CDON: variants seen among roughly 807,000 people sequenced by gnomAD.
CDON encodes the protein cell adhesion molecule-related/down-regulated by oncogenes.
In CDON, 73 loss-of-function variants were observed where a neutral mutation model predicts 120.9. That is an observed-to-expected ratio of 0.60 (90% CI 0.50 to 0.73). The LOEUF (loss-of-function observed/expected upper bound fraction) is 0.73, where lower values mean the gene tolerates loss of function less well. Ranked by LOEUF, CDON falls within the 30% of genes least tolerant of loss-of-function variation. The probability of loss-of-function intolerance (pLI) is 0.00; values close to 1 mark genes in which losing one functional copy is unlikely to be tolerated. For missense variants in CDON, 1,470 were observed against 1,587.3 expected (o/e 0.93, Z 1.26); for synonymous variants, 566 against 573.5 (o/e 0.99, Z 0.19).
In CDON at chr11:125,993,373, A is replaced by T. The variant is rs929936421; in HGVS notation, c.2650+911T>A. On this transcript the variant is annotated intron_variant, in intron 14 of 19. Coordinates refer to ENST00000531738, the MANE Select transcript of CDON (RefSeq NM_001378964.1). ...AACACACACACAGTCTCTGTCTCTC[A>T]CACACACATGCGCGCGTGCGTGCAC... 1.3e-4 allele frequency among the ~76,000 whole-genome samples: 18 copies of T among 137,434 alleles called. No individual in the cohort carries two copies. The Admixed American group carries it at 1.3e-3, about 10-fold the overall frequency. The allele number at this position is 137,434 out of a possible 152,430, so 90.2% of individuals were successfully genotyped here. A position where few individuals can be genotyped will look rare whatever the true frequency, so the allele number is the denominator to read the frequency against.
At chr11:126,061,462 T>C (rs1279757629) in intron 1 of CDON, among the ~76,000 whole-genome samples, 2 of 152,234 alleles carry the variant, frequency 1.3e-5, no homozygotes, top group Non-Finnish European at 2.9e-5. Flanking sequence ...GGGGGAGAAC[T>C]ACAAAATGTC....
intron 1 of CDON, among the ~76,000 whole-genome samples, chr11:126,051,805 G>A (rs900313599): frequency 9.2e-5 from 14 of 151,400 alleles, no homozygotes; most frequent in East Asian, 1.9e-4. Context: ...CCACCACCAC[G>A]CCCAGCTAAT....
chr11:126,048,338 C>A (rs1205830406), intron 1 of CDON, among the ~76,000 whole-genome samples: 1 of 151,020 alleles, frequency 6.6e-6, no homozygotes, highest in Non-Finnish European at 1.5e-5. Context: ...ACAGTGTAGA[C>A]TAATGATTTA....
intron 11 of CDON, among the ~76,000 whole-genome samples, chr11:125,999,718 C>T (rs1946887304): frequency 6.6e-6 from 1 of 152,080 alleles, no homozygotes; most frequent in Non-Finnish European, 1.5e-5. Context: ...TCATACAGGT[C>T]CTCCCCTTCC....
intron 14 of CDON, among the ~76,000 whole-genome samples, chr11:125,993,801 TA>T (rs556768214): frequency 6.6e-6 from 1 of 152,020 alleles, no homozygotes; most frequent in African/African-American, 2.4e-5. Flanking sequence ...TTAAATGCAG[TA>T]AAAAAAAGCA....
At chr11:126,005,303 A>C in intron 9 of CDON, 1 of 100,708 alleles carries the variant, frequency 9.9e-6, no homozygotes, top group Non-Finnish European at 2.0e-5. Context: ...CCCTGTCTCA[A>C]AAAAAAAAAA....
intron 14 of CDON, among the ~76,000 whole-genome samples, chr11:125,990,145 A>G (rs758619727): frequency 1.8e-4 from 27 of 152,152 alleles, no homozygotes; most frequent in Non-Finnish European, 3.8e-4. Flanking sequence ...CCCCACCAAA[A>G]AGCAACAGGA....
intron 1 of CDON, among the ~76,000 whole-genome samples, chr11:126,040,535 G>A (rs935436125): frequency 1.3e-5 from 2 of 152,262 alleles, no homozygotes; most frequent in East Asian, 3.9e-4. Context: ...GGTACTAAAG[G>A]CCGGGCGCGG....
chr11:126,015,607 T>C, intron 6 of CDON, 97 bp from the exon 7 acceptor site: 2 of 1,294,790 alleles, frequency 1.5e-6, no homozygotes, highest in South Asian at 1.3e-5. Context: ...CAATAACCAG[T>C]TGAAACAAAG....
chr11:126,004,419 A>T, intron 9 of CDON: 1 of 316,476 alleles, frequency 3.2e-6, no homozygotes, highest in African/African-American at 2.1e-5. Flanking sequence ...AAATAAGTAT[A>T]AAATAATAGG....
At chr11:126,006,611 G>A (rs2134604956) in intron 8 of CDON, among the ~76,000 whole-genome samples, 2 of 152,288 alleles carry the variant, frequency 1.3e-5, no homozygotes, top group Non-Finnish European at 2.9e-5. Context: ...TGAGGCTGCA[G>A]TGAGCCATGA....
chr11:126,031,762 A>T (rs1020816846), intron 1 of CDON, among the ~76,000 whole-genome samples: 8 of 152,176 alleles, frequency 5.3e-5, no homozygotes, highest in African/African-American at 1.9e-4. Context: ...GTGCAGTTTG[A>T]ATGCGAGGTA....
chr11:126,047,331 T>C (rs1188392498), intron 1 of CDON, among the ~76,000 whole-genome samples: 1 of 152,106 alleles, frequency 6.6e-6, no homozygotes, highest in Non-Finnish European at 1.5e-5. Flanking sequence ...ACCCAAACTT[T>C]CACCATTACC....
At chr11:126,043,744 G>A (rs976962118) in intron 1 of CDON, among the ~76,000 whole-genome samples, 3 of 152,280 alleles carry the variant, frequency 2.0e-5, no homozygotes, top group South Asian at 2.1e-4. Flanking sequence ...ACACAGTTGC[G>A]CTTACATCCA....
At chr11:125,963,994 C>A (rs1945721590) in intron 18 of CDON, among the ~76,000 whole-genome samples, 2 of 152,280 alleles carry the variant, frequency 1.3e-5, no homozygotes, top group South Asian at 2.1e-4. Context: ...TTTTATTCAA[C>A]CCTGAACTTA....
intron 1 of CDON, among the ~76,000 whole-genome samples, chr11:126,053,617 C>T (rs1236106817): frequency 2.0e-5 from 3 of 152,164 alleles, no homozygotes; most frequent in Non-Finnish European, 4.4e-5. Context: ...AGACATTCAG[C>T]CACATCATCA....
At chr11:126,025,886 C>T (rs1464977905) in intron 1 of CDON, among the ~76,000 whole-genome samples, 1 of 152,046 alleles carries the variant, frequency 6.6e-6, no homozygotes, top group African/African-American at 2.4e-5. Flanking sequence ...ACTAGTAAAA[C>T]TAACAATGTC....
At position 126,047,005 on chromosome 11, in the gene CDON, T is replaced by A. The variant is rs76837049; in HGVS notation, c.-62+15574A>T. Among the ~76,000 whole-genome samples, 508 of 152,276 alleles carry A rather than the reference T, an allele frequency of 3.3e-3. 7 individuals carry two copies. The highest frequency in any genetic ancestry group is 0.011 in the African/African-American group (448 of 41,550). On this transcript the variant is annotated intron_variant, in intron 1 of 19. Coordinates refer to ENST00000531738, the MANE Select transcript of CDON (RefSeq NM_001378964.1). The stretch of plus-strand genomic sequence containing the variant: ...AGTATTTAAGTATACATCTGAAAAT[T>A]CCAGGAAGTAATGGGATTTCCCATC...
At chr11:125,983,715 G>T (rs567398286) in intron 16 of CDON, among the ~76,000 whole-genome samples, 157 bp downstream of exon 16, 3 of 152,184 alleles carry the variant, frequency 2.0e-5, no homozygotes, top group Non-Finnish European at 4.4e-5. Context: ...CTGACAGCTA[G>T]AACAGTTTTA....
Sources: allele counts gnomAD v4.1 joint callset (sites outside exome capture counted in the v4.1 genomes callset), GRCh38; gene constraint gnomAD v4.1.1; transcripts MANE v1.5; gene names NCBI Gene and HGNC (gene_info 2026-07-23, HGNC 2026-07-21).